VWC2L: variants seen among roughly 807,000 people sequenced by gnomAD.
VWC2L encodes the protein von Willebrand factor C domain-containing protein 2-like.
VWC2L carries 10 observed loss-of-function variants against 21.6 expected under a neutral mutation model. That is an observed-to-expected ratio of 0.46 (90% CI 0.29 to 0.78). The LOEUF (loss-of-function observed/expected upper bound fraction) is 0.78, where lower values mean the gene tolerates loss of function less well. Ranked by LOEUF, VWC2L falls within the 30% of genes least tolerant of loss-of-function variation. The pLI is 0.10. For synonymous variants in VWC2L, 96 were observed against 94.3 expected, an observed-to-expected ratio of 1.02 and a Z score of -0.10; for missense variants, 209 against 277.1, an observed-to-expected ratio of 0.75 and a Z score of 1.74.
chr2:214,556,300 G>A (rs1239447457), intron 3 of VWC2L, among the ~76,000 whole-genome samples: 2 of 152,078 alleles, frequency 1.3e-5, no homozygotes, highest in Non-Finnish European at 2.9e-5. Context: ...TTATTCTGCA[G>A]CAATTTAAAC....
chr2:214,545,945 G>A (rs908148699), intron 3 of VWC2L, among the ~76,000 whole-genome samples: 6 of 152,168 alleles, frequency 3.9e-5, no homozygotes, highest in African/African-American at 1.4e-4. Flanking sequence ...TACTAGGGAT[G>A]TTCACCATCC....
At chr2:214,431,170 T>C (rs188004044) in intron 2 of VWC2L, among the ~76,000 whole-genome samples, 1 of 152,342 alleles carries the variant, frequency 6.6e-6, no homozygotes, top group East Asian at 1.9e-4. Flanking sequence ...TAATTTAATG[T>C]ATATTTTAAT....
chr2:214,481,896 G>A (rs1688607932), intron 3 of VWC2L, among the ~76,000 whole-genome samples: 2 of 152,150 alleles, frequency 1.3e-5, no homozygotes, highest in Admixed American at 1.3e-4. Flanking sequence ...CCAGATACTG[G>A]TGCCTAGTAT....
intron 2 of VWC2L, among the ~76,000 whole-genome samples, chr2:214,429,822 T>G (rs1227439425): frequency 6.6e-6 from 1 of 151,996 alleles, no homozygotes; most frequent in Non-Finnish European, 1.5e-5. Context: ...TATTTTATTT[T>G]TTATTATTAT....
chr2:214,507,563 G>A (rs1235895015), intron 3 of VWC2L, among the ~76,000 whole-genome samples: 1 of 152,186 alleles, frequency 6.6e-6, no homozygotes, highest in Non-Finnish European at 1.5e-5. Context: ...GATGGAACCA[G>A]GATTTTGACT....
At chr2:214,448,568 C>T (rs1702907326) in intron 3 of VWC2L, among the ~76,000 whole-genome samples, 1 of 152,128 alleles carries the variant, frequency 6.6e-6, no homozygotes, top group Non-Finnish European at 1.5e-5. Context: ...CCAGGGGAAA[C>T]CAAGTCTAGC....
chr2:214,477,257 T>C (rs1343672404), intron 3 of VWC2L, among the ~76,000 whole-genome samples: 1 of 152,210 alleles, frequency 6.6e-6, no homozygotes, highest in Non-Finnish European at 1.5e-5. Flanking sequence ...TATAGCAATG[T>C]TGGGAAATTC....
Position 214,482,419 on chromosome 2 carries a change from A to AC in VWC2L, c.520+45661_520+45662insC, listed in dbSNP as rs142083627. On this transcript the variant is annotated intron_variant, in intron 3 of 3. Transcript: ENST00000312504. ...TGACCCCAGTACCAGCATGGAGAAAATTTTTTCTGTCTCTCCAAACTGGTA... is the reference window on the plus strand; with the variant it reads ...TGACCCCAGTACCAGCATGGAGAAAACTTTTTTCTGTCTCTCCAAACTGGTA... Among the ~76,000 whole-genome samples the AC allele has an allele frequency of 8.5e-3, 1,294 of 151,652 alleles. 18 individuals are homozygous for AC. Among genetic ancestry groups the AC allele is most frequent in the African/African-American group, 0.03 (1,222 of 41,316 alleles).
chr2:214,518,435 T>C (rs1689179212), intron 3 of VWC2L, among the ~76,000 whole-genome samples: 1 of 152,162 alleles, frequency 6.6e-6, no homozygotes, highest in South Asian at 2.1e-4. Context: ...ATGCAGGTCT[T>C]TGGCAAAAGT....
At chr2:214,488,225 T>C (rs1688698148) in intron 3 of VWC2L, among the ~76,000 whole-genome samples, 1 of 152,200 alleles carries the variant, frequency 6.6e-6, no homozygotes, top group African/African-American at 2.4e-5. Flanking sequence ...AAGTCTATTT[T>C]CTGTAATTCT....
chr2:214,481,168 AC>A (rs1286385543), intron 3 of VWC2L, among the ~76,000 whole-genome samples: 4 of 152,162 alleles, frequency 2.6e-5, no homozygotes, highest in Non-Finnish European at 5.9e-5. Context: ...TTCCCATTAA[AC>A]AGAGGTGGAG....
At chr2:214,566,040 G>A (rs917580336) in intron 3 of VWC2L, among the ~76,000 whole-genome samples, 2 of 152,134 alleles carry the variant, frequency 1.3e-5, no homozygotes, top group Admixed American at 1.3e-4. Flanking sequence ...CTACTTTTAG[G>A]ATTGCTGAGA....
intron 3 of VWC2L, among the ~76,000 whole-genome samples, chr2:214,478,070 C>A (rs1008416388): frequency 6.6e-6 from 1 of 152,140 alleles, no homozygotes; most frequent in African/African-American, 2.4e-5. Flanking sequence ...AATGTCTCAT[C>A]CAAGGTATTA....
chr2:214,413,482 A>G (rs1015375470), intron 1 of VWC2L, among the ~76,000 whole-genome samples: 21 of 152,168 alleles, frequency 1.4e-4, no homozygotes, highest in Non-Finnish European at 3.1e-4. Context: ...TGGAATAGTT[A>G]TGTTGTTTTT....
chr2:214,496,981 G>A (rs1688821879), intron 3 of VWC2L, among the ~76,000 whole-genome samples: 1 of 152,252 alleles, frequency 6.6e-6, no homozygotes, highest in Non-Finnish European at 1.5e-5. Flanking sequence ...TATGTTAAGT[G>A]TACAATATCA....
chr2:214,434,992 C>T (rs1364346109), intron 2 of VWC2L, among the ~76,000 whole-genome samples: 1 of 152,040 alleles, frequency 6.6e-6, no homozygotes, highest in Non-Finnish European at 1.5e-5. Flanking sequence ...TAAATACAGT[C>T]CAAGTCTTTG....
At chr2:214,508,039 T>C (rs377527205) in intron 3 of VWC2L, among the ~76,000 whole-genome samples, 1 of 152,164 alleles carries the variant, frequency 6.6e-6, no homozygotes, top group Non-Finnish European at 1.5e-5. Context: ...TGCAGTGGCG[T>C]GATCTCGGCT....
intron 2 of VWC2L, among the ~76,000 whole-genome samples, chr2:214,422,862 G>A (rs1400026282): frequency 6.6e-6 from 1 of 152,130 alleles, no homozygotes; most frequent in Non-Finnish European, 1.5e-5. Context: ...GCTGTATAAA[G>A]TTGTCTACAG....
At chr2:214,433,476 TTC>T (rs995576533) in intron 2 of VWC2L, among the ~76,000 whole-genome samples, 2 of 152,172 alleles carry the variant, frequency 1.3e-5, no homozygotes, top group East Asian at 3.8e-4. Flanking sequence ...TCTTTCAGTA[TTC>T]TCTGTTTCTC....
Sources: gnomAD v4.1 joint callset for allele counts (sites outside exome capture counted in the v4.1 genomes callset) on GRCh38, gnomAD v4.1.1 for gene constraint, MANE v1.5 for transcripts, NCBI Gene and HGNC (gene_info 2026-07-23, HGNC 2026-07-21) for gene names.